TMPO: variants seen among roughly 807,000 people sequenced by gnomAD.
TMPO encodes LEM domain containing 4.
TMPO carries 22 observed loss-of-function variants against 45.4 expected under a neutral mutation model. The observed-to-expected ratio is 0.48, with a 90% CI of 0.35 to 0.69. TMPO has a LOEUF of 0.69. TMPO is among the 30% of genes least tolerant of loss of function. The pLI is 0.01. For missense variants in TMPO, 512 were observed against 548.8 expected (o/e 0.93, Z 0.67); for synonymous variants, 241 against 204.1 (o/e 1.18, Z -1.54).
chr12:98,547,897 T>G lies in TMPO; in HGVS notation c.*39T>G, dbSNP rs751763147. On this transcript the variant is annotated 3_prime_UTR_variant, in exon 9 of 9. Coordinates refer to ENST00000556029, the MANE Select transcript of TMPO (RefSeq NM_001032283.3). ...GGCACGTTCAACTTGGTCTCCTATT[T>G]TCAATAACTGTTGAAAAACATTTGT... 6.2e-7 allele frequency: 1 copy of G among 1,606,950 alleles called. No homozygotes were observed. The highest frequency in any genetic ancestry group is 8.5e-7 in the Non-Finnish European group (1 of 1,175,346).
intron 8 of TMPO, among the ~76,000 whole-genome samples, chr12:98,546,993 A>T (rs1292790184): frequency 6.6e-6 from 1 of 151,838 alleles, no homozygotes; most frequent in Non-Finnish European, 1.5e-5. Context: ...CCTAAACATG[A>T]GCTTTGAAGA....
chr12:98,530,672 T>A (rs1877129351), intron 2 of TMPO, among the ~76,000 whole-genome samples: 1 of 152,248 alleles, frequency 6.6e-6, no homozygotes. Flanking sequence ...TATATTTAAA[T>A]CTGATTTATA....
intron 8 of TMPO, 116 bp from the exon 9 acceptor site, chr12:98,547,457 C>T (rs1878294955): frequency 8.1e-7 from 1 of 1,234,298 alleles, no homozygotes; most frequent in South Asian, 1.3e-5. Context: ...CAATTTTCTA[C>T]TGTTACCTCA....
Position 98,532,845 on chromosome 12 carries a change from A to G in TMPO, c.565+1007A>G, listed in dbSNP as rs746022820. The G allele has an allele frequency of 1.5e-5, 24 of 1,614,208 alleles. No individual in the cohort carries two copies. The highest frequency in any genetic ancestry group is 2.0e-5 in the Non-Finnish European group (24 of 1,180,034). ...CAGGAAAGAAGAAAGAACACAAGAA[A>G]GTGAAGTCCACTAGGGATATTGTTC... On this transcript the variant is annotated intron_variant, in intron 3 of 8. Coordinates refer to ENST00000556029, the MANE Select transcript of TMPO (RefSeq NM_001032283.3).
At chr12:98,542,101 C>T (rs1164810192) in intron 4 of TMPO, among the ~76,000 whole-genome samples, 2 of 152,174 alleles carry the variant, frequency 1.3e-5, no homozygotes, top group East Asian at 3.8e-4. Flanking sequence ...AACCATGGAG[C>T]AGCATTTTGC....
chr12:98,548,379 G>A lies in TMPO; in HGVS notation c.*521G>A, dbSNP rs1878347643. On this transcript the variant is annotated 3_prime_UTR_variant, in exon 9 of 9. Coordinates refer to ENST00000556029, the MANE Select transcript of TMPO (RefSeq NM_001032283.3). Reference sequence around the variant, plus strand: ...AGTTTGATGGTGTTTATGAGGAAAAGTACAGCAATAATCTCTTCTGTAACC... The same window carrying A: ...AGTTTGATGGTGTTTATGAGGAAAAATACAGCAATAATCTCTTCTGTAACC... 6.4e-6 allele frequency: 1 copy of A among 157,414 alleles called. No homozygotes were observed. The highest frequency in any genetic ancestry group is 1.4e-5 in the Non-Finnish European group (1 of 71,376). 9.8% of individuals were successfully genotyped at this position (157,414 alleles called of 1,614,324 possible). A position where few individuals can be genotyped will look rare whatever the true frequency, so the allele number is the denominator to read the frequency against.
chr12:98,531,822 C>A lies in TMPO; in HGVS notation c.549C>A (p.Tyr183Ter), dbSNP rs1181216387. 1 of 1,612,152 alleles carries A rather than the reference C, an allele frequency of 6.2e-7. No individual in the cohort carries two copies. The highest frequency in any genetic ancestry group is 8.5e-7 in the Non-Finnish European group (1 of 1,179,200). The stretch of plus-strand genomic sequence containing the variant: ...ATGGAAGTAATGATTCTGACAGATA[C>A]AGTGACAATGAAGAAGGTAAAATTT... Reference protein sequence around the residue: ...RQNGSNDSDRYSDNEEDSKIE... With the variant: ...RQNGSNDSDR Residue 183 changes from tyrosine to a stop codon, truncating the protein, a stop_gained, in exon 3 of 9, where the codon TAC (tyrosine) becomes TAA (stop). Transcript: ENST00000556029. LOFTEE classifies it high-confidence loss of function.
intron 3 of TMPO, chr12:98,532,945 C>A (rs750751621): frequency 1.2e-6 from 2 of 1,614,132 alleles, no homozygotes; most frequent in Admixed American, 1.7e-5. Flanking sequence ...AATCTCCACC[C>A]GTCCTCCTTT....
chr12:98,533,686 G>C, intron 3 of TMPO: 1 of 1,614,128 alleles, frequency 6.2e-7, no homozygotes, highest in Non-Finnish European at 8.5e-7. Flanking sequence ...TCTAGAAGTG[G>C]CTAAGCAATC....
chr12:98,547,156 A>G (rs1342723938), intron 8 of TMPO, among the ~76,000 whole-genome samples: 5 of 150,584 alleles, frequency 3.3e-5, no homozygotes, highest in Middle Eastern at 3.2e-3. Flanking sequence ...GCTCACTACA[A>G]CCTCCACCTC....
At chr12:98,516,292 C>T (rs1157883186) in intron 1 of TMPO, 146 bp downstream of exon 1, 6 of 1,239,174 alleles carry the variant, frequency 4.8e-6, no homozygotes, top group African/African-American at 1.6e-5. Flanking sequence ...GTCGCCCCTT[C>T]CCCGCGGGGC....
intron 1 of TMPO, among the ~76,000 whole-genome samples, chr12:98,521,175 T>C (rs893140036): frequency 3.5e-5 from 5 of 141,268 alleles, no homozygotes; most frequent in Admixed American, 7.4e-5. Flanking sequence ...TGGCGTGATC[T>C]CCACTCACTG....
intron 1 of TMPO, among the ~76,000 whole-genome samples, chr12:98,521,100 A>AGTTTTTTTTTTT (rs1876323587): frequency 2.6e-5 from 2 of 76,756 alleles, no homozygotes; most frequent in African/African-American, 1.1e-4. Flanking sequence ...TTTATGAGGA[A>AGTTTTTTTTTTT]TTTTTTTTTT....
intron 1 of TMPO, among the ~76,000 whole-genome samples, chr12:98,520,868 G>C (rs1406447136): frequency 6.6e-6 from 1 of 151,706 alleles, no homozygotes; most frequent in African/African-American, 2.4e-5. Context: ...CACCGCTCCC[G>C]GCCTCCAGGT....
At chr12:98,537,615 C>T (rs749909119) in intron 4 of TMPO, 43 bp downstream of exon 4, 7 of 1,403,196 alleles carry the variant, frequency 5.0e-6, no homozygotes, top group South Asian at 1.2e-5. Flanking sequence ...TATAAATAAC[C>T]TCCTGACAAC....
In TMPO at chr12:98,547,445, A is replaced by G. The variant is rs10860342; in HGVS notation, c.1080-128A>G. The G allele has an allele frequency of 0.27, 300,341 of 1,104,188 alleles. 45,715 individuals are homozygous for G. Among genetic ancestry groups the G allele is most frequent in the Non-Finnish European group, 0.31 (238,696 of 761,070 alleles). The allele number at this position is 1,104,188 out of a possible 1,614,324, so 68.4% of individuals were successfully genotyped here. On this transcript the variant is annotated intron_variant, in intron 8 of 8. Transcript: ENST00000556029. ...TGACTGACCTCACTGCTTTATATGT[A>G]TCAATTTTCTACTGTTACCTCAGGG...
intron 3 of TMPO, chr12:98,534,880 C>G (rs886049917): frequency 3.0e-6 from 3 of 985,650 alleles, no homozygotes; most frequent in Non-Finnish European, 3.6e-6. Flanking sequence ...TAGTCTAGAT[C>G]AATGCAACTC....
chr12:98,533,242 A>G lies in TMPO; in HGVS notation c.565+1404A>G, dbSNP rs1565811262. 3.7e-6 allele frequency: 6 copies of G among 1,613,982 alleles called. No individual in the cohort carries two copies. The highest frequency in any genetic ancestry group is 1.3e-5 in the African/African-American group (1 of 75,046). On this transcript the variant is annotated intron_variant, in intron 3 of 8. Coordinates refer to ENST00000556029, the MANE Select transcript of TMPO (RefSeq NM_001032283.3). ...TTACTATAAAGACATAGTAGAAAAT[A>G]TTTGCGGTAGAGAGAAAAGTGGAAT...
At chr12:98,539,471 C>CT (rs398039980) in intron 4 of TMPO, among the ~76,000 whole-genome samples, 1,977 of 123,438 alleles carry the variant, frequency 0.016, 76 homozygotes, top group African/African-American at 0.048. Context: ...TTTTAAATTA[C>CT]TTTTTTTTTT....
Sources: allele counts gnomAD v4.1 joint callset (sites outside exome capture counted in the v4.1 genomes callset), GRCh38; gene constraint gnomAD v4.1.1; transcripts MANE v1.5; gene names NCBI Gene and HGNC (gene_info 2026-07-23, HGNC 2026-07-21).